Variants in INPP4B observed in about 807,000 individuals in gnomAD.
INPP4B encodes the protein inositol polyphosphate 4-phosphatase type II.
Under a neutral mutation model 122.5 loss-of-function variants are expected in INPP4B, and 55 were observed. The ratio of observed to expected loss-of-function variants is 0.45; its 90% CI spans 0.36 to 0.56. The LOEUF (loss-of-function observed/expected upper bound fraction) is 0.56, where lower values mean the gene tolerates loss of function less well. Among genes scored for constraint, INPP4B ranks in the 20% least tolerant of loss-of-function variants. The pLI is 0.00. For synonymous variants in INPP4B, 403 were observed against 388.7 expected, an observed-to-expected ratio of 1.04 and a Z score of -0.43; for missense variants, 1,000 against 1,097.7, an observed-to-expected ratio of 0.91 and a Z score of 1.26.
chr4:142,697,446 A>G (rs1761180095), intron 2 of INPP4B, among the ~76,000 whole-genome samples: 1 of 152,170 alleles, frequency 6.6e-6, no homozygotes, highest in African/African-American at 2.4e-5. Flanking sequence ...AGCCAAGTTT[A>G]TTGTTTCTGG....
chr4:142,431,465 C>A (rs1028275863), intron 3 of INPP4B, 80 bp from the exon 4 acceptor site: 2 of 550,912 alleles, frequency 3.6e-6, no homozygotes, highest in Admixed American at 6.7e-5. Flanking sequence ...GTAGAGACTG[C>A]AACTACATTC....
chr4:142,521,492 G>GA (rs1329572944), intron 2 of INPP4B, among the ~76,000 whole-genome samples: 1 of 151,882 alleles, frequency 6.6e-6, no homozygotes, highest in East Asian at 1.9e-4. Context: ...AAAGTGAAGA[G>GA]AAAAAACTAC....
At chr4:142,065,530 G>A (rs1763073382) in intron 25 of INPP4B, among the ~76,000 whole-genome samples, 1 of 152,064 alleles carries the variant, frequency 6.6e-6, no homozygotes. Flanking sequence ...ACTTTACAGA[G>A]GAATAAAAAA....
chr4:142,311,862 G>T (rs1765618663), intron 8 of INPP4B, among the ~76,000 whole-genome samples: 2 of 152,110 alleles, frequency 1.3e-5, no homozygotes, highest in African/African-American at 2.4e-5. Context: ...TGTGCTACCT[G>T]GGGTACCATG....
chr4:142,225,956 C>T (rs1388381299), intron 12 of INPP4B, among the ~76,000 whole-genome samples: 6 of 152,242 alleles, frequency 3.9e-5, no homozygotes, highest in African/African-American at 1.2e-4. Flanking sequence ...CATGATATAA[C>T]AAAACATTGT....
chr4:142,514,694 C>T (rs537048043), intron 2 of INPP4B: 5 of 151,764 alleles, frequency 3.3e-5, no homozygotes, highest in Admixed American at 6.6e-5. Flanking sequence ...ATGTAGAGAA[C>T]TCAGCTTAGA....
At chr4:142,266,661 G>T (rs985425773) in intron 10 of INPP4B, among the ~76,000 whole-genome samples, 1 of 152,040 alleles carries the variant, frequency 6.6e-6, no homozygotes, top group African/African-American at 2.4e-5. Flanking sequence ...ACAAGACAAA[G>T]ATGTCCATTC....
intron 25 of INPP4B, among the ~76,000 whole-genome samples, chr4:142,038,490 G>A (rs944245481): frequency 2.6e-5 from 4 of 152,080 alleles, no homozygotes; most frequent in Admixed American, 1.3e-4. Context: ...AGCAATCTTG[G>A]GCAACATTAA....
Position 142,163,049 on chromosome 4 carries a change from G to A in INPP4B, c.1360-2488C>T, listed in dbSNP as rs114026319. 5.3e-3 allele frequency among the ~76,000 whole-genome samples: 800 copies of A among 151,596 alleles called. 11 individuals are homozygous for A. Among genetic ancestry groups the A allele is most frequent in the African/African-American group, 0.018 (751 of 41,386 alleles). On this transcript the variant is annotated intron_variant, in intron 16 of 25. Coordinates refer to ENST00000262992, the MANE Select transcript of INPP4B (RefSeq NM_001101669.3). ...GACCAGTGTAGACCATTGATGTTTCGCAGTCAAATAAATCAGCTTGAAAAG... is the reference window on the plus strand; with the variant it reads ...GACCAGTGTAGACCATTGATGTTTCACAGTCAAATAAATCAGCTTGAAAAG...
chr4:142,270,837 A>G (rs923609494), intron 9 of INPP4B, 63 bp from the exon 10 acceptor site: 7 of 1,079,936 alleles, frequency 6.5e-6, no homozygotes, highest in Non-Finnish European at 1.0e-5. Flanking sequence ...AAAATATCCA[A>G]AACACATTTG....
intron 2 of INPP4B, among the ~76,000 whole-genome samples, chr4:142,553,750 C>A (rs1277365135): frequency 2.6e-5 from 4 of 152,184 alleles, no homozygotes; most frequent in Non-Finnish European, 5.9e-5. Context: ...TTCCTGGTCC[C>A]AACCCCCAAA....
chr4:142,355,911 G>C (rs889959732), intron 7 of INPP4B, among the ~76,000 whole-genome samples: 1 of 150,836 alleles, frequency 6.6e-6, no homozygotes, highest in African/African-American at 2.4e-5. Context: ...TTCAACTACT[G>C]AGTCTTTTCT....
At chr4:142,645,655 G>C (rs1751599826) in intron 2 of INPP4B, among the ~76,000 whole-genome samples, 1 of 152,142 alleles carries the variant, frequency 6.6e-6, no homozygotes, top group Non-Finnish European at 1.5e-5. Context: ...GTTAAGGCTG[G>C]CAAAACAATG....
intron 16 of INPP4B, among the ~76,000 whole-genome samples, chr4:142,171,253 A>G (rs1159053144): frequency 6.6e-6 from 1 of 151,750 alleles, no homozygotes; most frequent in Admixed American, 6.6e-5. Context: ...AGGTGCTCAA[A>G]GGCTATAAAA....
rs72726467 is a variant in INPP4B, at chr4:142,582,195, C to T, written c.-190-119469G>A. The stretch of plus-strand genomic sequence containing the variant: ...TGAAAACATAATCATCTAATGGATA[C>T]AAAAAAAAAAAAATCTACTCACAAA... On this transcript the variant is annotated intron_variant, in intron 2 of 25. Coordinates refer to ENST00000262992, the MANE Select transcript of INPP4B (RefSeq NM_001101669.3). 4.3e-5 allele frequency among the ~76,000 whole-genome samples: 6 copies of T among 140,958 alleles called. No individual in the cohort carries two copies. In the East Asian group the frequency reaches 1.2e-3, roughly 29 times the overall value. 92.5% of individuals were successfully genotyped at this position (140,958 alleles called of 152,430 possible). A position where few individuals can be genotyped will look rare whatever the true frequency, so the allele number is the denominator to read the frequency against.
At chr4:142,543,107 G>A (rs1829129421) in intron 2 of INPP4B, among the ~76,000 whole-genome samples, 1 of 152,122 alleles carries the variant, frequency 6.6e-6, no homozygotes, top group Non-Finnish European at 1.5e-5. Flanking sequence ...ATTGATGTAT[G>A]TGCACAATTT....
At chr4:142,156,555 T>C (rs1296550315) in intron 17 of INPP4B, among the ~76,000 whole-genome samples, 1 of 152,162 alleles carries the variant, frequency 6.6e-6, no homozygotes, top group Non-Finnish European at 1.5e-5. Context: ...GGGGTTTAAT[T>C]GTTTACTAGC....
At chr4:142,059,018 A>G (rs747216102) in intron 25 of INPP4B, among the ~76,000 whole-genome samples, 4 of 152,170 alleles carry the variant, frequency 2.6e-5, no homozygotes, top group Non-Finnish European at 4.4e-5. Context: ...CCCAATCAAT[A>G]TGTTTGTGGA....
chr4:142,507,611 C>A (rs1006173555), intron 2 of INPP4B, among the ~76,000 whole-genome samples: 1 of 152,012 alleles, frequency 6.6e-6, no homozygotes, highest in East Asian at 1.9e-4. Flanking sequence ...AAACAATTTG[C>A]AATTGTTTAA....
Sources: gnomAD v4.1 joint callset for allele counts (sites outside exome capture counted in the v4.1 genomes callset) on GRCh38, gnomAD v4.1.1 for gene constraint, MANE v1.5 for transcripts, NCBI Gene and HGNC (gene_info 2026-07-23, HGNC 2026-07-21) for gene names.